SLC9C1: variants seen among roughly 807,000 people sequenced by gnomAD.
The protein encoded by SLC9C1 is solute carrier family 9 member C1.
SLC9C1 carries 97 observed loss-of-function variants against 140.9 expected under a neutral mutation model. That is an observed-to-expected ratio of 0.69 (90% confidence interval 0.58 to 0.82). The LOEUF is 0.82. Among genes scored for constraint, SLC9C1 ranks in the 40% least tolerant of loss-of-function variants. SLC9C1 has a pLI of 0.00. For synonymous variants in SLC9C1, 440 were observed against 442.6 expected (o/e 0.99, Z 0.07); for missense variants, 1,340 against 1,389.3 (o/e 0.96, Z 0.56).
chr3:112,145,375 A>G lies in SLC9C1; in HGVS notation c.3525-4094T>C, dbSNP rs759305665. 3.3e-5 allele frequency among the ~76,000 whole-genome samples: 5 copies of G among 151,904 alleles called. No homozygotes were observed. In the South Asian group the frequency reaches 1.0e-3, roughly 32 times the overall value. ...TTAATTTGCTAAAATTTTGTTGAGG[A>G]TTTTCACATCTATGTTGATTGGGAA... is the stretch of plus-strand genomic sequence containing the variant. On this transcript the variant is annotated intron_variant, in intron 28 of 28. Coordinates refer to ENST00000305815, the MANE Select transcript of SLC9C1 (RefSeq NM_183061.3).
At chr3:112,165,151 G>T (rs553747908) in intron 26 of SLC9C1, among the ~76,000 whole-genome samples, 70 of 152,162 alleles carry the variant, frequency 4.6e-4, no homozygotes, top group Middle Eastern at 6.8e-3. Flanking sequence ...CTCTGCATTG[G>T]TTATTCTAGT....
chr3:112,153,387 G>C (rs970022609), intron 27 of SLC9C1, among the ~76,000 whole-genome samples: 1 of 151,038 alleles, frequency 6.6e-6, no homozygotes, highest in East Asian at 1.9e-4. Flanking sequence ...GGTCTTGTCA[G>C]TGGGCTCTAG....
chr3:112,187,830 T>C (rs943588494), intron 20 of SLC9C1, among the ~76,000 whole-genome samples: 7 of 152,076 alleles, frequency 4.6e-5, no homozygotes, highest in Admixed American at 4.6e-4. Context: ...CATAGATAGG[T>C]GTATCTACAG....
At chr3:112,147,499 G>A in intron 28 of SLC9C1, 1 of 420,856 alleles carries the variant, frequency 2.4e-6, no homozygotes, top group Admixed American at 2.7e-5. Context: ...AATTCCCTTA[G>A]CACTTTCTTG....
intron 20 of SLC9C1, among the ~76,000 whole-genome samples, chr3:112,183,344 C>CTTTTTTTTTTTTTTT (rs1159788975): frequency 2.4e-4 from 5 of 20,950 alleles, no homozygotes; most frequent in Non-Finnish European, 4.1e-4. Context: ...TATTTAGCAC[C>CTTTTTTTTTTTTTTT]TTTTCTTTTT....
chr3:112,275,995 C>T (rs925991197), intron 5 of SLC9C1, among the ~76,000 whole-genome samples: 3 of 152,018 alleles, frequency 2.0e-5, no homozygotes, highest in Admixed American at 6.6e-5. Flanking sequence ...AAGAAGGAAA[C>T]GTAGATCTTC....
chr3:112,154,286 A>C (rs2075067290), intron 27 of SLC9C1, among the ~76,000 whole-genome samples: 1 of 152,078 alleles, frequency 6.6e-6, no homozygotes, highest in Non-Finnish European at 1.5e-5. Flanking sequence ...CTAAAAATGA[A>C]CTCTCCATTC....
chr3:112,230,125 T>C (rs553779791), intron 13 of SLC9C1, among the ~76,000 whole-genome samples: 84 of 152,278 alleles, frequency 5.5e-4, no homozygotes, highest in Non-Finnish European at 8.5e-4. Context: ...TAGCCCTACT[T>C]CATTGTTTCC....
intron 5 of SLC9C1, among the ~76,000 whole-genome samples, chr3:112,276,311 T>G (rs141755438): frequency 6.6e-6 from 1 of 152,006 alleles, no homozygotes; most frequent in East Asian, 1.9e-4. Flanking sequence ...CATGAAAAGC[T>G]CAAGCCAATG....
intron 1 of SLC9C1, among the ~76,000 whole-genome samples, chr3:112,293,220 G>A (rs2080739596): frequency 6.6e-6 from 1 of 152,010 alleles, no homozygotes; most frequent in Non-Finnish European, 1.5e-5. Context: ...AGATTGCAGT[G>A]AGCCTAGATT....
chr3:112,213,815 C>G (rs908831205), intron 15 of SLC9C1, among the ~76,000 whole-genome samples: 1 of 152,184 alleles, frequency 6.6e-6, no homozygotes, highest in Non-Finnish European at 1.5e-5. Context: ...AGAAAGTTAA[C>G]AAGGATATCC....
chr3:112,208,190 C>A lies in SLC9C1; in HGVS notation c.1974G>T (p.Glu658Asp). The change falls in exon 16 of 29, where the codon GAG becomes GAT. Residue 658 changes from glutamate (E) to aspartate (D), a missense_variant. By Grantham distance (45) the Glu-to-Asp change is conservative. Transcript: ENST00000305815. ...NYCFLTLYIL[E>D]ALLKIAAMRK... ...AATTTTAGATTACCTTAAGTAGTGC[C>A]TCTAGAATATAAAGTGTAAGAAAAC... 1 of 1,604,704 alleles carries A rather than the reference C, an allele frequency of 6.2e-7. No homozygotes were observed. Among genetic ancestry groups the A allele is most frequent in the Non-Finnish European group, 8.5e-7 (1 of 1,176,318 alleles).
chr3:112,275,575 G>GTCTA (rs139133701), intron 5 of SLC9C1, among the ~76,000 whole-genome samples: 43,606 of 151,822 alleles, frequency 0.29, 6,372 homozygotes, highest in East Asian at 0.36. Flanking sequence ...AAGTTTAAAT[G>GTCTA]TCTGTTGTCC....
intron 13 of SLC9C1, 101 bp from the exon 14 acceptor site, chr3:112,221,326 C>A (rs1560087012): frequency 3.2e-6 from 3 of 925,958 alleles, no homozygotes; most frequent in Non-Finnish European, 3.3e-6. Flanking sequence ...TAAAAACAAT[C>A]AATCTAGTCT....
At chr3:112,146,246 T>C (rs748234228) in intron 28 of SLC9C1, among the ~76,000 whole-genome samples, 1 of 152,122 alleles carries the variant, frequency 6.6e-6, no homozygotes, top group Non-Finnish European at 1.5e-5. Context: ...TGATGTTGTT[T>C]ATCCTTTCAA....
At position 112,249,639 on chromosome 3, in the gene SLC9C1, G is replaced by C. The variant is rs536407412; in HGVS notation, c.1198-5563C>G. Among the ~76,000 whole-genome samples, 3 of 152,192 alleles carry C rather than the reference G, an allele frequency of 2.0e-5. No individual in the cohort carries two copies. The South Asian group carries it at 6.2e-4, about 32-fold the overall frequency. The stretch of plus-strand genomic sequence containing the variant: ...TTGGAACTCGTTATTGGTCTGTTCA[G>C]GGTTTCAATTTATTCCTGGTTTAAT... On this transcript the variant is annotated intron_variant, in intron 10 of 28. Coordinates refer to ENST00000305815, the MANE Select transcript of SLC9C1 (RefSeq NM_183061.3).
At chr3:112,256,368 G>A (rs1402421678) in intron 10 of SLC9C1, among the ~76,000 whole-genome samples, 1 of 152,120 alleles carries the variant, frequency 6.6e-6, no homozygotes, top group Non-Finnish European at 1.5e-5. Flanking sequence ...ACATGGAAAA[G>A]CTAAGCCACC....
intron 26 of SLC9C1, among the ~76,000 whole-genome samples, chr3:112,165,851 A>T (rs980022320): frequency 6.6e-6 from 1 of 152,208 alleles, no homozygotes; most frequent in African/African-American, 2.4e-5. Context: ...TTGTTTGGCA[A>T]TGTCCTGCCC....
chr3:112,144,522 G>A (rs2074728788), intron 28 of SLC9C1, among the ~76,000 whole-genome samples: 1 of 152,066 alleles, frequency 6.6e-6, no homozygotes, highest in African/African-American at 2.4e-5. Context: ...TGTTGAATCT[G>A]TAGATTGTTT....
Sources: gnomAD v4.1 joint callset for allele counts (sites outside exome capture counted in the v4.1 genomes callset) on GRCh38, gnomAD v4.1.1 for gene constraint, MANE v1.5 for transcripts, NCBI Gene and HGNC (gene_info 2026-07-23, HGNC 2026-07-21) for gene names.